Variants in SOX5 observed in about 807,000 individuals in gnomAD.
SOX5 encodes SRY-box transcription factor 5, also known as transcription factor SOX-5.
In SOX5, 9 loss-of-function variants were observed where a neutral mutation model predicts 92.0. The ratio of observed to expected loss-of-function variants is 0.10; its 90% CI spans 0.06 to 0.17. The LOEUF (loss-of-function observed/expected upper bound fraction) is 0.17. SOX5 is among the 10% of genes least tolerant of loss of function. The probability of loss-of-function intolerance (pLI) is 1.00; values close to 1 mark genes in which losing one functional copy is unlikely to be tolerated. For synonymous variants in SOX5, 344 were observed against 336.3 expected (o/e 1.02, Z -0.25); for missense variants, 642 against 944.5 (o/e 0.68, Z 4.20).
At chr12:23,856,263 C>G (rs1332566726) in intron 2 of SOX5, among the ~76,000 whole-genome samples, 1 of 152,012 alleles carries the variant, frequency 6.6e-6, no homozygotes, top group Non-Finnish European at 1.5e-5. Flanking sequence ...GTAGTTTACA[C>G]GAGCAATGCT....
At chr12:23,602,615 C>G (rs971541186) in intron 9 of SOX5, among the ~76,000 whole-genome samples, 2 of 151,948 alleles carry the variant, frequency 1.3e-5, no homozygotes, top group Non-Finnish European at 2.9e-5. Flanking sequence ...AATGTCCTGA[C>G]GTAAAGCCTC....
intron 8 of SOX5, among the ~76,000 whole-genome samples, chr12:23,617,794 AC>A (rs908225580): frequency 7.2e-5 from 11 of 151,994 alleles, no homozygotes; most frequent in African/African-American, 2.2e-4. Context: ...GAAAAAAAAA[AC>A]ATTTTGACTT....
At chr12:23,824,264 G>C (rs1185364375) in intron 3 of SOX5, among the ~76,000 whole-genome samples, 1 of 152,164 alleles carries the variant, frequency 6.6e-6, no homozygotes, top group African/African-American at 2.4e-5. Context: ...TTATGTACCT[G>C]TGGTCTTTGA....
intron 1 of SOX5, among the ~76,000 whole-genome samples, chr12:24,473,838 T>C (rs1945069578): frequency 6.6e-6 from 1 of 152,192 alleles, no homozygotes; most frequent in African/African-American, 2.4e-5. Context: ...AAGATAGAGT[T>C]TTCATGTGAT....
intron 4 of SOX5, among the ~76,000 whole-genome samples, chr12:24,075,961 AACACTTAGATATGGAGTAAAGGAGGAGG>A (rs1233574467): frequency 6.6e-6 from 1 of 152,222 alleles, no homozygotes; most frequent in African/African-American, 2.4e-5. Flanking sequence ...GGAGATACTC[AACACTTAGATATGGAGTAAAGGAGGAGG>A]ACACTGGGGA....
intron 2 of SOX5, among the ~76,000 whole-genome samples, chr12:24,307,513 G>GTTT (rs1948726449): frequency 3.2e-5 from 1 of 31,270 alleles, no homozygotes; most frequent in African/African-American, 5.5e-5. Context: ...AAGGAAGGAA[G>GTTT]GAAGGCCGGC....
intron 2 of SOX5, among the ~76,000 whole-genome samples, chr12:24,354,855 T>A (rs1954598260): frequency 6.6e-6 from 1 of 152,168 alleles, no homozygotes; most frequent in Non-Finnish European, 1.5e-5. Flanking sequence ...TTTGTGCGAC[T>A]GGTATCATGA....
chr12:24,422,755 A>C (rs1461117082), intron 1 of SOX5, among the ~76,000 whole-genome samples: 6 of 152,254 alleles, frequency 3.9e-5, no homozygotes, highest in Non-Finnish European at 7.3e-5. Context: ...TCACACCTGT[A>C]ATCTTAGTAC....
chr12:24,003,877 C>T (rs940965123), intron 4 of SOX5, among the ~76,000 whole-genome samples: 7 of 151,670 alleles, frequency 4.6e-5, no homozygotes, highest in East Asian at 1.9e-4. Context: ...GGAGGTCATA[C>T]ACTTTTTTAT....
intron 4 of SOX5, among the ~76,000 whole-genome samples, chr12:23,971,735 C>G (rs1266293372): frequency 6.6e-6 from 1 of 151,806 alleles, no homozygotes; most frequent in Non-Finnish European, 1.5e-5. Flanking sequence ...ACTAGAGTCC[C>G]TGTTCATTCT....
At chr12:23,965,392 C>A (rs1314666333) in intron 4 of SOX5, among the ~76,000 whole-genome samples, 1 of 152,092 alleles carries the variant, frequency 6.6e-6, no homozygotes, top group Non-Finnish European at 1.5e-5. Context: ...ACTGTCTGAT[C>A]CTGCCTCCTC....
chr12:24,217,922 T>C (rs1959414106), intron 3 of SOX5, among the ~76,000 whole-genome samples: 1 of 152,166 alleles, frequency 6.6e-6, no homozygotes, highest in Non-Finnish European at 1.5e-5. Flanking sequence ...AAAGCCACAA[T>C]GACATGCCAC....
At chr12:24,251,572 G>GTTT (rs68085452) in intron 3 of SOX5, among the ~76,000 whole-genome samples, 2 of 141,488 alleles carry the variant, frequency 1.4e-5, no homozygotes, top group East Asian at 2.0e-4. Context: ...AGGGTTTTTT[G>GTTT]TTTTTTTTTT....
chr12:23,922,073 CT>C (rs1299987112), intron 1 of SOX5, among the ~76,000 whole-genome samples: 2 of 152,172 alleles, frequency 1.3e-5, no homozygotes, highest in Admixed American at 6.5e-5. Context: ...AACTCCCCCC[CT>C]GGGCTCCCAC....
chr12:23,547,788 T>C (rs1167687668), intron 11 of SOX5, among the ~76,000 whole-genome samples: 1 of 152,148 alleles, frequency 6.6e-6, no homozygotes, highest in Non-Finnish European at 1.5e-5. Flanking sequence ...TAGAATTAAA[T>C]AGTATTAAAG....
At chr12:24,072,353 G>T (rs1941907994) in intron 4 of SOX5, among the ~76,000 whole-genome samples, 1 of 152,252 alleles carries the variant, frequency 6.6e-6, no homozygotes, top group East Asian at 1.9e-4. Context: ...TCATATAAAA[G>T]ATTGTATGAT....
intron 4 of SOX5, among the ~76,000 whole-genome samples, chr12:24,057,992 A>G (rs1007470934): frequency 6.6e-6 from 1 of 152,266 alleles, no homozygotes; most frequent in Non-Finnish European, 1.5e-5. Context: ...AAAATGTGCC[A>G]TAAAGTAAAT....
intron 1 of SOX5, among the ~76,000 whole-genome samples, chr12:23,949,333 T>A (rs1945154886): frequency 1.3e-5 from 2 of 152,184 alleles, no homozygotes; most frequent in Non-Finnish European, 2.9e-5. Context: ...TTTAATTTGC[T>A]GTTATAGGAC....
intron 1 of SOX5, among the ~76,000 whole-genome samples, chr12:24,520,160 A>T (rs1315167762): frequency 6.6e-6 from 1 of 152,104 alleles, no homozygotes; most frequent in East Asian, 1.9e-4. Flanking sequence ...TCACCAGTAA[A>T]CCTCCCTGAA....
Sources: gnomAD v4.1 joint callset for allele counts (sites outside exome capture counted in the v4.1 genomes callset) on GRCh38, gnomAD v4.1.1 for gene constraint, MANE v1.5 for transcripts, NCBI Gene and HGNC (gene_info 2026-07-23, HGNC 2026-07-21) for gene names.